GPR158: variants seen among roughly 807,000 people sequenced by gnomAD.
GPR158 encodes the protein metabotropic glycine receptor.
GPR158 carries 30 observed loss-of-function variants against 78.2 expected under a neutral mutation model. The ratio of observed to expected loss-of-function variants is 0.38; its 90% CI spans 0.29 to 0.52. The LOEUF is 0.52. GPR158 is among the 20% of genes least tolerant of loss of function. The pLI is 0.83. For missense variants in GPR158, 1,463 were observed against 1,523.5 expected (o/e 0.96, Z 0.66); for synonymous variants, 581 against 591.1 (o/e 0.98, Z 0.25).
At position 25,273,826 on chromosome 10, in the gene GPR158, C is replaced by T. The variant is rs1400697966; in HGVS notation, c.1008+52669C>T. On this transcript the variant is annotated intron_variant, in intron 2 of 10. Coordinates refer to ENST00000376351, the MANE Select transcript of GPR158 (RefSeq NM_020752.3). Reference sequence around the variant, plus strand: ...TCCTGAGTAGCTGGGACTATAGATGCGCGCCACCACACCCGGCTAATTTTT... The same window carrying T: ...TCCTGAGTAGCTGGGACTATAGATGTGCGCCACCACACCCGGCTAATTTTT... Among the ~76,000 whole-genome samples the T allele has an allele frequency of 3.3e-5, 5 of 151,820 alleles. No individual in the cohort carries two copies. The South Asian group carries it at 1.0e-3, about 32-fold the overall frequency.
At chr10:25,337,203 T>C (rs533058265) in intron 2 of GPR158, among the ~76,000 whole-genome samples, 2 of 152,176 alleles carry the variant, frequency 1.3e-5, no homozygotes, top group East Asian at 3.9e-4. Context: ...CCTGCATCAA[T>C]CTTAATTGAC....
At chr10:25,232,750 G>A (rs1853467204) in intron 2 of GPR158, among the ~76,000 whole-genome samples, 1 of 152,132 alleles carries the variant, frequency 6.6e-6, no homozygotes, top group African/African-American at 2.4e-5. Context: ...TCAAAGTAGT[G>A]TACAAGTGTC....
chr10:25,203,415 C>T (rs1322891518), intron 1 of GPR158, among the ~76,000 whole-genome samples: 7 of 151,814 alleles, frequency 4.6e-5, no homozygotes, highest in South Asian at 2.1e-4. Context: ...TAATCCATCT[C>T]GAATTAATTT....
chr10:25,377,874 A>G (rs939512557), intron 2 of GPR158, among the ~76,000 whole-genome samples: 3 of 152,078 alleles, frequency 2.0e-5, no homozygotes, highest in Non-Finnish European at 4.4e-5. Flanking sequence ...TATGTTTTCA[A>G]TTGTCTTGGG....
At chr10:25,265,954 G>A (rs907036369) in intron 2 of GPR158, among the ~76,000 whole-genome samples, 11 of 152,130 alleles carry the variant, frequency 7.2e-5, no homozygotes, top group African/African-American at 1.7e-4. Context: ...TTACATTGCC[G>A]ACTGGGTTCA....
At chr10:25,412,612 A>C in intron 4 of GPR158, 139 bp downstream of exon 4, 1 of 631,038 alleles carries the variant, frequency 1.6e-6, no homozygotes, top group East Asian at 2.6e-5. Context: ...AGAACATGAA[A>C]GTTATATTCT....
At chr10:25,189,834 ATGTGTGTGTG>A (rs56205437) in intron 1 of GPR158, among the ~76,000 whole-genome samples, 122 of 120,548 alleles carry the variant, frequency 1.0e-3, no homozygotes, top group African/African-American at 3.7e-3. Context: ...AAAGGAAAGC[ATGTGTGTGTG>A]TGTGTGTGTG....
At chr10:25,397,417 A>G (rs1834377242) in intron 3 of GPR158, among the ~76,000 whole-genome samples, 1 of 152,212 alleles carries the variant, frequency 6.6e-6, no homozygotes, top group Non-Finnish European at 1.5e-5. Flanking sequence ...AAACTAGAGT[A>G]CAGGTCTCTT....
intron 8 of GPR158, among the ~76,000 whole-genome samples, chr10:25,590,983 G>C (rs559807890): frequency 2.4e-4 from 36 of 152,126 alleles, no homozygotes; most frequent in African/African-American, 7.5e-4. Context: ...TCAGGAGTAG[G>C]CATGGTAAAC....
intron 2 of GPR158, among the ~76,000 whole-genome samples, chr10:25,292,899 A>G (rs1313423632): frequency 6.6e-6 from 1 of 152,214 alleles, no homozygotes; most frequent in African/African-American, 2.4e-5. Flanking sequence ...AAAGCAAACA[A>G]TGCTGGACAA....
chr10:25,592,711 G>T (rs1204008870), intron 8 of GPR158, among the ~76,000 whole-genome samples: 1 of 151,758 alleles, frequency 6.6e-6, no homozygotes, highest in Admixed American at 6.6e-5. Flanking sequence ...AAGTTTATTT[G>T]GTTTGCATTT....
rs535538233 is a variant in GPR158, at chr10:25,295,616, TG to T, written c.1008+74460del. 3.4e-3 allele frequency among the ~76,000 whole-genome samples: 519 copies of T among 152,258 alleles called. 3 individuals carry two copies. The highest frequency in any genetic ancestry group is 0.012 in the African/African-American group (479 of 41,548). ...TTTTAGTAGAGACAGGGTTTCACCA[TG>T]TTAGCCAGGATGGTCTCAATCTTCT... is the stretch of plus-strand genomic sequence containing the variant. On this transcript the variant is annotated intron_variant, in intron 2 of 10. Transcript: ENST00000376351.
At chr10:25,451,642 C>T (rs1270989932) in intron 4 of GPR158, among the ~76,000 whole-genome samples, 2 of 152,082 alleles carry the variant, frequency 1.3e-5, no homozygotes, top group African/African-American at 4.8e-5. Flanking sequence ...TGTGTAATGT[C>T]AGTTCCATCC....
intron 2 of GPR158, among the ~76,000 whole-genome samples, chr10:25,241,279 T>TCCTTTCTTTCTTTCCTTTC (rs1554787189): frequency 1.2e-5 from 1 of 86,816 alleles, no homozygotes; most frequent in Non-Finnish European, 2.2e-5. Context: ...TTCCTTTCTT[T>TCCTTTCTTTCTTTCCTTTC]CTTTCTTTTC....
chr10:25,505,510 A>G (rs1372553588), intron 5 of GPR158, among the ~76,000 whole-genome samples: 1 of 152,146 alleles, frequency 6.6e-6, no homozygotes, highest in Non-Finnish European at 1.5e-5. Flanking sequence ...CTTCAGTTCC[A>G]TCTATCTTCC....
intron 5 of GPR158, among the ~76,000 whole-genome samples, chr10:25,525,233 T>C (rs1836331593): frequency 6.6e-6 from 1 of 152,218 alleles, no homozygotes; most frequent in Non-Finnish European, 1.5e-5. Context: ...TTTCTCAAAA[T>C]GTTAAGCAGA....
chr10:25,463,776 A>G (rs189149635), intron 4 of GPR158, among the ~76,000 whole-genome samples: 100 of 152,108 alleles, frequency 6.6e-4, no homozygotes, highest in African/African-American at 2.4e-3. Context: ...GTGAGACTCT[A>G]AACAAGATTC....
chr10:25,232,222 C>G (rs16925472), intron 2 of GPR158, among the ~76,000 whole-genome samples: 10,808 of 152,166 alleles, frequency 0.071, 586 homozygotes, highest in East Asian at 0.23. Context: ...GAGAGGCAAT[C>G]AGAATATACA....
chr10:25,343,760 G>T (rs1564427675), intron 2 of GPR158, among the ~76,000 whole-genome samples: 2 of 151,910 alleles, frequency 1.3e-5, no homozygotes, highest in Non-Finnish European at 2.9e-5. Flanking sequence ...GAAAACCATT[G>T]CTTGGCCTAT....
Sources: gnomAD v4.1 joint callset for allele counts (sites outside exome capture counted in the v4.1 genomes callset) on GRCh38, gnomAD v4.1.1 for gene constraint, MANE v1.5 for transcripts, NCBI Gene and HGNC (gene_info 2026-07-23, HGNC 2026-07-21) for gene names.